COL20A1: variants seen among roughly 807,000 people sequenced by gnomAD.
COL20A1 encodes collagen type XX alpha 1 chain.
Under a neutral mutation model 152.9 loss-of-function variants are expected in COL20A1, and 164 were observed. That is an observed-to-expected ratio of 1.07 (90% CI 0.94 to 1.22). The LOEUF (loss-of-function observed/expected upper bound fraction) is 1.22, where lower values mean the gene tolerates loss of function less well. Ranked by LOEUF, COL20A1 falls within the 50% of genes most tolerant of loss-of-function variation. COL20A1 has a pLI of 0.00. For synonymous variants in COL20A1, 864 were observed against 756.0 expected (o/e 1.14, Z -2.34); for missense variants, 1,873 against 1,744.8 (o/e 1.07, Z -1.31).
intron 1 of COL20A1, among the ~76,000 whole-genome samples, chr20:63,294,152 A>C: frequency 1.3e-3 from 1 of 758 alleles, no homozygotes; most frequent in East Asian, 0.033. Context: ...GGGGAGGGGG[A>C]GTGCGGGGGG....
Position 63,307,587 on chromosome 20 carries a change from C to T in COL20A1, c.594C>T (p.Val198=). Residue 198 remains valine (V), a synonymous_variant, in exon 6 of 36, where the codon GTC becomes GTT. Transcript: ENST00000358894. ...TTGGCCACAGTCACTTCCAGCAGGTCAAGGACTTCCTGGCCAGTGTCATCG... is the reference window on the plus strand; with the variant it reads ...TTGGCCACAGTCACTTCCAGCAGGTTAAGGACTTCCTGGCCAGTGTCATCG... ...WSIGHSHFQQ[V]KDFLASVIAP... The T allele has an allele frequency of 6.2e-7, 1 of 1,612,682 alleles. No individual in the cohort carries two copies. The highest frequency in any genetic ancestry group is 8.5e-7 in the Non-Finnish European group (1 of 1,179,742).
At chr20:63,314,840 A>G (rs1347222925) in intron 19 of COL20A1, among the ~76,000 whole-genome samples, 2 of 131,272 alleles carry the variant, frequency 1.5e-5, no homozygotes, top group African/African-American at 5.8e-5. Flanking sequence ...CTGCCCGCAC[A>G]CCAGGCATCT....
At chr20:63,325,776 A>G (rs1601441081) in intron 29 of COL20A1, 55 bp downstream of exon 29, 1 of 1,517,578 alleles carries the variant, frequency 6.6e-7, no homozygotes, top group Non-Finnish European at 9.1e-7. Flanking sequence ...TGGCCTGGGG[A>G]CGGGGGGCCT....
rs369095452 is a variant in COL20A1 at position 63,314,111 on chromosome 20, G to T, written c.2398G>T (p.Asp800Tyr). 1.2e-6 allele frequency: 2 copies of T among 1,612,616 alleles called. No homozygotes were observed. Among genetic ancestry groups the T allele is most frequent in the African/African-American group, 2.7e-5 (2 of 75,044 alleles). ...AGCCAGGAGCCACGTGACACTGCCC[G>T]ACCTGCAGGCAGCCACGAAGTACAG... ...PGARSHVTLP[D>Y]LQAATKYRVL... Residue 800 changes from aspartate (D) to tyrosine (Y), a missense_variant, in exon 19 of 36, where the codon GAC becomes TAC. Asp to Tyr is a radical substitution (Grantham distance 160). Coordinates refer to ENST00000358894, the MANE Select transcript of COL20A1 (RefSeq NM_020882.4).
chr20:63,328,939 C>T (rs2068295582), intron 34 of COL20A1, among the ~76,000 whole-genome samples: 1 of 152,086 alleles, frequency 6.6e-6, no homozygotes, highest in South Asian at 2.1e-4. Context: ...TGTTGGTGCT[C>T]CTCCTCCTCT....
chr20:63,297,664 G>A (rs1273175391), intron 2 of COL20A1, among the ~76,000 whole-genome samples: 2 of 152,212 alleles, frequency 1.3e-5, no homozygotes, highest in Non-Finnish European at 2.9e-5. Context: ...AAGCTACCAG[G>A]GTGGCCCTGT....
intron 27 of COL20A1, 154 bp from the exon 28 acceptor site, chr20:63,325,287 G>C (rs746500213): frequency 2.8e-6 from 2 of 720,782 alleles, no homozygotes; most frequent in Non-Finnish European, 5.1e-6. Flanking sequence ...CGGGCCACCC[G>C]GACAGATGGG....
At chr20:63,308,456 G>A in intron 7 of COL20A1, 86 bp from the exon 8 acceptor site, 2 of 1,264,172 alleles carry the variant, frequency 1.6e-6, no homozygotes, top group Non-Finnish European at 2.2e-6. Flanking sequence ...AAGGAGAGGA[G>A]CATCTCTGCT....
At chr20:63,316,770 GGGCA>G in intron 21 of COL20A1, 79 bp downstream of exon 21, 2 of 1,359,554 alleles carry the variant, frequency 1.5e-6, no homozygotes, top group Non-Finnish European at 1.9e-6. Context: ...GTGGGGGGGC[GGGCA>G]TGGGCCGGAG....
At chr20:63,322,636 G>A (rs2068181766) in intron 27 of COL20A1, among the ~76,000 whole-genome samples, 1 of 152,266 alleles carries the variant, frequency 6.6e-6, no homozygotes, top group Non-Finnish European at 1.5e-5. Flanking sequence ...AGCGCGCCCA[G>A]CGATGGCAGC....
chr20:63,325,531 TG>T (rs1401153330), intron 28 of COL20A1, 37 bp downstream of exon 28: 23 of 1,495,894 alleles, frequency 1.5e-5, no homozygotes, highest in Non-Finnish European at 1.9e-5. Context: ...CAGGGGTTGG[TG>T]GGGGTGGGGG....
chr20:63,308,159 G>A (rs572752047), intron 7 of COL20A1, 69 bp downstream of exon 7: 417 of 1,574,100 alleles, frequency 2.6e-4, no homozygotes, highest in Non-Finnish European at 3.4e-4. Flanking sequence ...CCCAGATCCC[G>A]AAAGCTTGTG....
At chr20:63,323,705 G>A (rs1467750700) in intron 27 of COL20A1, among the ~76,000 whole-genome samples, 5 of 152,170 alleles carry the variant, frequency 3.3e-5, no homozygotes, top group African/African-American at 1.2e-4. Context: ...AGTCTGTCCC[G>A]TTGATGTGTC....
chr20:63,325,663 CCCAGGGCCACCCCGGCCA>C lies in COL20A1; in HGVS notation c.3352_3369del (p.His1118_Gly1123del). 6.2e-7 allele frequency: 1 copy of C among 1,607,800 alleles called. No homozygotes were observed. The highest frequency in any genetic ancestry group is 8.5e-7 in the Non-Finnish European group (1 of 1,178,196). ...TGCCTGGCCGGCCCCTCTGTTCTCT[CCCAGGGCCACCCCGGCCA>C]CCAGGGCATCCCCGGGAGAGTTGGC... On this transcript the variant is annotated splice_acceptor_variant and splice_polypyrimidine_tract_variant and coding_sequence_variant and intron_variant, in exon 29 of 36. Transcript: ENST00000358894. LOFTEE classifies it high-confidence loss of function.
At chr20:63,297,647 C>G (rs980247387) in intron 2 of COL20A1, among the ~76,000 whole-genome samples, 10 of 152,234 alleles carry the variant, frequency 6.6e-5, no homozygotes, top group Admixed American at 3.3e-4. Flanking sequence ...TGGACTCCCT[C>G]TCACCAAAGC....
At chr20:63,317,953 C>G (rs79373062) in intron 21 of COL20A1, among the ~76,000 whole-genome samples, 1 of 152,220 alleles carries the variant, frequency 6.6e-6, no homozygotes, top group East Asian at 1.9e-4. Flanking sequence ...GAGCTCTGAT[C>G]GCCTGCAGCC....
intron 10 of COL20A1, among the ~76,000 whole-genome samples, 168 bp from the exon 11 acceptor site, chr20:63,310,213 G>A (rs1214163153): frequency 1.3e-5 from 2 of 152,110 alleles, no homozygotes; most frequent in East Asian, 1.9e-4. Flanking sequence ...GATAATTGTG[G>A]TGGGCCTGGC....
At chr20:63,307,806 C>T (rs1286787361) in intron 6 of COL20A1, among the ~76,000 whole-genome samples, 158 bp downstream of exon 6, 1 of 152,192 alleles carries the variant, frequency 6.6e-6, no homozygotes, top group Non-Finnish European at 1.5e-5. Flanking sequence ...GGGACCCCTC[C>T]GTGTGGAGGC....
In COL20A1 at chr20:63,306,304, A is replaced by T. The variant is rs953937071; in HGVS notation, c.496+265A>T. On this transcript the variant is annotated intron_variant, in intron 5 of 35. Transcript: ENST00000358894. This position sits in a 1 kb window ranked among gnomAD's most constrained non-coding sequence, Gnocchi z 6.9. ...TCTGACCACACGGTCTCTGACCACGAGGCCGGGAAGTTCTTCCTCGTGTCT... is the reference window on the plus strand; with the variant it reads ...TCTGACCACACGGTCTCTGACCACGTGGCCGGGAAGTTCTTCCTCGTGTCT... Among the ~76,000 whole-genome samples the T allele has an allele frequency of 1.9e-4, 24 of 124,222 alleles. No individual in the cohort carries two copies. The highest frequency in any genetic ancestry group is 7.5e-4 in the African/African-American group (24 of 31,894). The allele number at this position is 124,222 out of a possible 152,430, so 81.5% of individuals were successfully genotyped here. A position where few individuals can be genotyped will look rare whatever the true frequency, so the allele number is the denominator to read the frequency against.
Sources: gnomAD v4.1 joint callset for allele counts (sites outside exome capture counted in the v4.1 genomes callset) on GRCh38, gnomAD v4.1.1 for gene constraint, Gnocchi (gnomAD v3.1) non-coding constraint, MANE v1.5 for transcripts, NCBI Gene and HGNC (gene_info 2026-07-23, HGNC 2026-07-21) for gene names.